The following ATP8A2 variants were observed in gnomAD, a reference collection of about 807,000 sequenced individuals.
ATP8A2 encodes the protein phospholipid-transporting ATPase IB.
Under a neutral mutation model 165.6 loss-of-function variants are expected in ATP8A2, and 100 were observed. The observed-to-expected ratio is 0.60, with a 90% CI of 0.51 to 0.71. The LOEUF (loss-of-function observed/expected upper bound fraction) is 0.71, where lower values mean the gene tolerates loss of function less well. Among genes scored for constraint, ATP8A2 ranks in the 30% least tolerant of loss-of-function variants. ATP8A2 has a pLI of 0.00. For missense variants in ATP8A2, 1,227 were observed against 1,479.5 expected (o/e 0.83, Z 2.80); for synonymous variants, 543 against 548.8 (o/e 0.99, Z 0.15).
chr13:25,738,952 T>C (rs1196838849), intron 25 of ATP8A2, among the ~76,000 whole-genome samples: 7 of 152,242 alleles, frequency 4.6e-5, no homozygotes, highest in Non-Finnish European at 1.0e-4. Flanking sequence ...AGTCAACTTA[T>C]CCTTGTTGAC....
intron 2 of ATP8A2, among the ~76,000 whole-genome samples, chr13:25,484,759 C>T (rs1045300679): frequency 1.1e-4 from 17 of 152,228 alleles, no homozygotes; most frequent in South Asian, 6.2e-4. Context: ...TCAAGTGATC[C>T]GCCTGCCTCA....
At chr13:25,672,198 C>T (rs970102851) in intron 24 of ATP8A2, among the ~76,000 whole-genome samples, 2 of 152,084 alleles carry the variant, frequency 1.3e-5, no homozygotes, top group African/African-American at 4.8e-5. Flanking sequence ...TTCGGGGGGC[C>T]TATCTGTATA....
intron 35 of ATP8A2, among the ~76,000 whole-genome samples, chr13:26,009,295 G>A (rs1956797567): frequency 6.6e-6 from 1 of 152,146 alleles, no homozygotes; most frequent in African/African-American, 2.4e-5. Flanking sequence ...ATAAAGCCTG[G>A]TGCGCTTCCT....
chr13:25,444,487 C>A (rs1206297252), intron 1 of ATP8A2, among the ~76,000 whole-genome samples: 1 of 152,104 alleles, frequency 6.6e-6, no homozygotes, highest in Non-Finnish European at 1.5e-5. Flanking sequence ...AGTGGCTGAA[C>A]TAATTTACAT....
At chr13:25,884,037 C>G (rs1953062626) in intron 33 of ATP8A2, among the ~76,000 whole-genome samples, 1 of 152,056 alleles carries the variant, frequency 6.6e-6, no homozygotes, top group Non-Finnish European at 1.5e-5. Flanking sequence ...GTTCAGGGGG[C>G]CAGAAAGATG....
rs1360448014 is a variant in ATP8A2, at chr13:26,012,642, G to A, written c.3469+20G>A. ...TCCCGCGTGAGTACCGCGGGCGGGGGCTGATGGAGGAGTGGGTGTCGGTGC... is the reference window on the plus strand; with the variant it reads ...TCCCGCGTGAGTACCGCGGGCGGGGACTGATGGAGGAGTGGGTGTCGGTGC... On this transcript the variant is annotated intron_variant, in intron 36 of 36. Coordinates refer to ENST00000381655, the MANE Select transcript of ATP8A2 (RefSeq NM_016529.6). 18 of 1,450,420 alleles carry A rather than the reference G, an allele frequency of 1.2e-5. No individual in the cohort carries two copies. Among genetic ancestry groups the A allele is most frequent in the Non-Finnish European group, 1.5e-5 (17 of 1,100,502 alleles). The allele number at this position is 1,450,420 out of a possible 1,614,324, so 89.8% of individuals were successfully genotyped here. A position where few individuals can be genotyped will look rare whatever the true frequency, so the allele number is the denominator to read the frequency against.
At position 25,792,492 on chromosome 13, in the gene ATP8A2, A is replaced by G. The variant is rs148326327; in HGVS notation, c.2679+17533A>G. ...GCCAGTTAGTGGTTAGATAATTAAT[A>G]GAGACTCACTAAGTATGTATTATTT... is the stretch of plus-strand genomic sequence containing the variant. On this transcript the variant is annotated intron_variant, in intron 27 of 36. Transcript: ENST00000381655. Among the ~76,000 whole-genome samples, 887 of 151,770 alleles carry G rather than the reference A, an allele frequency of 5.8e-3. 11 individuals carry two copies. The highest frequency in any genetic ancestry group is 0.021 in the African/African-American group (849 of 41,028).
chr13:25,878,346 G>A (rs1020337250), intron 33 of ATP8A2, among the ~76,000 whole-genome samples: 1 of 152,120 alleles, frequency 6.6e-6, no homozygotes, highest in Non-Finnish European at 1.5e-5. Context: ...TTACAGGAAA[G>A]AGGTCCCGAT....
At position 25,580,003 on chromosome 13, in the gene ATP8A2, C is replaced by G; in HGVS notation, c.2007+56C>G. ...CCATGAAGGACTTAACCACCTATTT[C>G]ACAAAGTATTTGAACAGGAATCCTT... On this transcript the variant is annotated intron_variant, in intron 22 of 36. Transcript: ENST00000381655. 1.9e-6 allele frequency: 3 copies of G among 1,593,382 alleles called. No homozygotes were observed. In the South Asian group the frequency reaches 3.3e-5, roughly 18 times the overall value.
intron 24 of ATP8A2, among the ~76,000 whole-genome samples, chr13:25,644,517 A>ATC (rs2041619457): frequency 6.8e-6 from 1 of 147,714 alleles, no homozygotes; most frequent in Non-Finnish European, 1.5e-5. Flanking sequence ...GGCTTGCAGT[A>ATC]TTTTTTTTTT....
intron 1 of ATP8A2, among the ~76,000 whole-genome samples, chr13:25,464,228 G>C (rs2035575500): frequency 6.6e-6 from 1 of 152,074 alleles, no homozygotes; most frequent in African/African-American, 2.4e-5. Context: ...CAGGTGAATA[G>C]GAATTTGTCC....
chr13:25,756,003 T>C (rs1331901570), intron 25 of ATP8A2, among the ~76,000 whole-genome samples: 1 of 152,162 alleles, frequency 6.6e-6, no homozygotes, highest in Middle Eastern at 3.2e-3. Context: ...GACTTTCTTC[T>C]CTTCTTGTTT....
intron 33 of ATP8A2, among the ~76,000 whole-genome samples, chr13:25,946,739 T>C (rs1487286727): frequency 1.3e-5 from 1 of 79,948 alleles, no homozygotes; most frequent in South Asian, 4.3e-4. Flanking sequence ...GAAAATGTTA[T>C]TGGTTTTTTG....
At chr13:25,378,717 C>G (rs1234634956) in intron 1 of ATP8A2, among the ~76,000 whole-genome samples, 1 of 152,206 alleles carries the variant, frequency 6.6e-6, no homozygotes, top group Non-Finnish European at 1.5e-5. Flanking sequence ...ATATTCCTCA[C>G]TAGCCTGCAT....
intron 24 of ATP8A2, among the ~76,000 whole-genome samples, chr13:25,605,289 C>G (rs1002152480): frequency 2.6e-5 from 4 of 152,066 alleles, no homozygotes; most frequent in African/African-American, 9.7e-5. Context: ...AAGACAGAAC[C>G]TTTGATGTAG....
intron 35 of ATP8A2, among the ~76,000 whole-genome samples, chr13:25,976,570 G>A (rs1349511054): frequency 7.0e-6 from 1 of 142,474 alleles, no homozygotes; most frequent in Non-Finnish European, 1.6e-5. Context: ...CTGATGAAAA[G>A]GGTCACAGTC....
intron 24 of ATP8A2, among the ~76,000 whole-genome samples, chr13:25,631,110 A>C (rs1306028149): frequency 2.6e-5 from 4 of 152,298 alleles, no homozygotes; most frequent in Admixed American, 2.6e-4. Context: ...TTTCTGACCC[A>C]GCAAGCAAAT....
chr13:25,873,670 G>T (rs145433919), intron 33 of ATP8A2, among the ~76,000 whole-genome samples: 5 of 140,666 alleles, frequency 3.6e-5, no homozygotes, highest in Non-Finnish European at 6.0e-5. Flanking sequence ...ATGGAGTCTC[G>T]CTCTGTCACC....
At chr13:25,586,624 A>G (rs796321025) in intron 23 of ATP8A2, among the ~76,000 whole-genome samples, 33 of 152,320 alleles carry the variant, frequency 2.2e-4, no homozygotes, top group African/African-American at 7.2e-4. Context: ...GACTGACCAG[A>G]TTCTCTGTAA....
Sources: gnomAD v4.1 joint callset for allele counts (sites outside exome capture counted in the v4.1 genomes callset) on GRCh38, gnomAD v4.1.1 for gene constraint, MANE v1.5 for transcripts, NCBI Gene and HGNC (gene_info 2026-07-23, HGNC 2026-07-21) for gene names.